Variants in GRM5 observed in about 807,000 individuals in gnomAD.
GRM5 encodes the protein metabotropic glutamate receptor 5.
GRM5 carries 19 observed loss-of-function variants against 83.1 expected under a neutral mutation model. The ratio of observed to expected loss-of-function variants is 0.23; its 90% CI spans 0.16 to 0.34. The LOEUF (loss-of-function observed/expected upper bound fraction) is 0.34. Ranked by LOEUF, GRM5 falls within the 10% of genes least tolerant of loss-of-function variation. The probability of loss-of-function intolerance (pLI) is 1.00; values close to 1 mark genes in which losing one functional copy is unlikely to be tolerated. For synonymous variants in GRM5, 675 were observed against 633.6 expected (o/e 1.07, Z -0.98); for missense variants, 1,160 against 1,588.3 (o/e 0.73, Z 4.58).
intron 2 of GRM5, among the ~76,000 whole-genome samples, chr11:88,938,398 T>A (rs1419572158): frequency 6.6e-6 from 1 of 151,610 alleles, no homozygotes; most frequent in African/African-American, 2.4e-5. Context: ...GGACTATATA[T>A]CCATTATTTA....
intron 6 of GRM5, among the ~76,000 whole-genome samples, chr11:88,592,110 G>T (rs530650166): frequency 6.6e-6 from 1 of 152,156 alleles, no homozygotes; most frequent in East Asian, 1.9e-4. Flanking sequence ...TTTGAAAGAC[G>T]CAGGGGAAAG....
chr11:88,722,906 T>G lies in GRM5; in HGVS notation c.912-69503A>C, dbSNP rs140948498. ...ATAGTTTACTTTAGGGTTCACTCTG[T>G]GTTGTACATGCTATGGCTTTTGACA... On this transcript the variant is annotated intron_variant, in intron 3 of 9. Transcript: ENST00000305447. Among the ~76,000 whole-genome samples the G allele has an allele frequency of 4.5e-4, 68 of 152,230 alleles. 1 individual carries two copies. Among genetic ancestry groups the G allele is most frequent in the African/African-American group, 1.6e-3 (65 of 41,548 alleles).
chr11:88,576,435 A>C (rs1035416967), intron 7 of GRM5, among the ~76,000 whole-genome samples: 5 of 152,208 alleles, frequency 3.3e-5, no homozygotes, highest in Non-Finnish European at 5.9e-5. Context: ...TGCTAGTCAT[A>C]GTACCTGGCA....
chr11:88,985,976 A>G lies in GRM5; in HGVS notation c.661+61236T>C, dbSNP rs558931463. ...CAGTTTCTTAACAATAATAAATAAT[A>G]AATAAACATTCCACCACTATACAAC... On this transcript the variant is annotated intron_variant, in intron 2 of 9. Transcript: ENST00000305447. Among the ~76,000 whole-genome samples the G allele has an allele frequency of 7.2e-5, 11 of 152,306 alleles. 1 individual carries two copies. The South Asian group carries it at 2.1e-3, about 29-fold the overall frequency.
At chr11:88,963,275 A>T (rs1033352574) in intron 2 of GRM5, among the ~76,000 whole-genome samples, 3 of 152,222 alleles carry the variant, frequency 2.0e-5, no homozygotes, top group African/African-American at 7.2e-5. Flanking sequence ...ACTGTTGGTC[A>T]TTCCCCAATA....
At chr11:89,018,889 CCTG>C (rs1226050863) in intron 2 of GRM5, among the ~76,000 whole-genome samples, 4 of 152,166 alleles carry the variant, frequency 2.6e-5, no homozygotes, top group African/African-American at 7.2e-5. Context: ...CCCACATTTT[CCTG>C]CTAACATCTT....
chr11:88,508,979 G>C lies in GRM5; in HGVS notation c.3252C>G (p.Ala1084=). ...GCGGGGCGCCGACGCCGGGGCTGGG[G>C]GCCGCGGTGGACAGCATCATGGAGT... ...ELNSMMLSTA[A]PSPGVGAPLC... The change falls in exon 10 of 10, where the codon GCC becomes GCG. Residue 1084 remains alanine, a synonymous_variant. Transcript: ENST00000305447. This position sits in a 1 kb window ranked among gnomAD's most constrained non-coding sequence, Gnocchi z 4.2. 2 of 1,583,840 alleles carry C rather than the reference G, an allele frequency of 1.3e-6. No individual in the cohort carries two copies.
intron 4 of GRM5, among the ~76,000 whole-genome samples, chr11:88,635,862 A>G (rs56175415): frequency 0.022 from 3,330 of 152,280 alleles, 115 homozygotes; most frequent in African/African-American, 0.075. Context: ...ATTCTCGTCT[A>G]TGGTGTGAAG....
Position 89,015,171 on chromosome 11 carries a change from T to C in GRM5, c.661+32041A>G, listed in dbSNP as rs1292479110. Among the ~76,000 whole-genome samples the C allele has an allele frequency of 3.3e-5, 5 of 152,342 alleles. No individual in the cohort carries two copies. The South Asian group carries it at 6.2e-4, about 19-fold the overall frequency. On this transcript the variant is annotated intron_variant, in intron 2 of 9. Transcript: ENST00000305447. ...GCCTGGTTGAACTTCAAATCCTTTA[T>C]TGGTGAAATGAGCATCCACTCATAA...
intron 4 of GRM5, among the ~76,000 whole-genome samples, chr11:88,608,643 C>T (rs1280549213): frequency 6.6e-6 from 1 of 151,354 alleles, no homozygotes; most frequent in East Asian, 2.0e-4. Context: ...CTCAGCCTCC[C>T]GAGTAGCTGG....
intron 3 of GRM5, among the ~76,000 whole-genome samples, chr11:88,814,741 T>C (rs764652080): frequency 2.0e-5 from 3 of 151,864 alleles, no homozygotes; most frequent in Non-Finnish European, 4.4e-5. Context: ...AATATCTGAA[T>C]TGCAATTTAA....
intron 3 of GRM5, among the ~76,000 whole-genome samples, chr11:88,668,318 C>G (rs1308726312): frequency 6.6e-6 from 1 of 151,086 alleles, no homozygotes; most frequent in African/African-American, 2.4e-5. Context: ...CACACACACA[C>G]ACACACACAC....
At chr11:88,964,139 G>C (rs764674477) in intron 2 of GRM5, among the ~76,000 whole-genome samples, 9 of 152,026 alleles carry the variant, frequency 5.9e-5, no homozygotes, top group Non-Finnish European at 1.3e-4. Flanking sequence ...TTGTAACTTA[G>C]GTTGAAAAAT....
chr11:88,757,014 CAA>C lies in GRM5; in HGVS notation c.911+92890_911+92891del, dbSNP rs137985319. Among the ~76,000 whole-genome samples, 397 of 152,166 alleles carry C rather than the reference CAA, an allele frequency of 2.6e-3. 3 individuals are homozygous for C. The highest frequency in any genetic ancestry group is 9.2e-3 in the African/African-American group (382 of 41,526). ...AAATCAAACTTTTTAAAGACAAACA[CAA>C]AGAGAAAATCTTGAAAACAATCAGA... is the stretch of plus-strand genomic sequence containing the variant. On this transcript the variant is annotated intron_variant, in intron 3 of 9. Coordinates refer to ENST00000305447, the MANE Select transcript of GRM5 (RefSeq NM_001143831.3).
At chr11:88,691,381 AAT>A (rs1417187522) in intron 3 of GRM5, among the ~76,000 whole-genome samples, 2 of 152,216 alleles carry the variant, frequency 1.3e-5, no homozygotes, top group African/African-American at 2.4e-5. Context: ...TTCAAAAAAT[AAT>A]AGTTACTTTA....
intron 3 of GRM5, among the ~76,000 whole-genome samples, chr11:88,745,987 G>T (rs1220336082): frequency 6.6e-6 from 1 of 152,176 alleles, no homozygotes; most frequent in Non-Finnish European, 1.5e-5. Flanking sequence ...ACATATCTCA[G>T]AAGCTTGAGT....
Position 88,941,979 on chromosome 11 carries a change from G to A in GRM5, c.662-91824C>T, listed in dbSNP as rs144897852. Among the ~76,000 whole-genome samples, 670 of 152,108 alleles carry A rather than the reference G, an allele frequency of 4.4e-3. 4 individuals carry two copies. The highest frequency in any genetic ancestry group is 0.015 in the African/African-American group (625 of 41,524). ...AAAAATTCACATGAGGAAGACAGTTGCTTCATGAAGGGTGACTAGGAAGAA... is the reference window on the plus strand; with the variant it reads ...AAAAATTCACATGAGGAAGACAGTTACTTCATGAAGGGTGACTAGGAAGAA... On this transcript the variant is annotated intron_variant, in intron 2 of 9. Transcript: ENST00000305447.
intron 2 of GRM5, among the ~76,000 whole-genome samples, chr11:88,895,121 T>C (rs1376769183): frequency 6.6e-6 from 1 of 151,930 alleles, no homozygotes; most frequent in Admixed American, 6.6e-5. Flanking sequence ...TTGAGATATA[T>C]ATTGTAAGCC....
chr11:88,940,488 A>G (rs905510630), intron 2 of GRM5, among the ~76,000 whole-genome samples: 1 of 151,288 alleles, frequency 6.6e-6, no homozygotes, highest in Non-Finnish European at 1.5e-5. Flanking sequence ...TCTTTTGAAC[A>G]ATAATGTCTT....
Sources: allele counts gnomAD v4.1 joint callset (sites outside exome capture counted in the v4.1 genomes callset), GRCh38; gene constraint gnomAD v4.1.1; non-coding constraint Gnocchi (gnomAD v3.1); transcripts MANE v1.5; gene names NCBI Gene and HGNC (gene_info 2026-07-23, HGNC 2026-07-21).